KLHDC3: variants seen among roughly 807,000 people sequenced by gnomAD.
KLHDC3 encodes the protein kelch domain containing 3.
A neutral mutation model predicts 44.1 loss-of-function variants in KLHDC3; 5 were observed. The ratio of observed to expected loss-of-function variants is 0.11; its 90% confidence interval spans 0.06 to 0.24. The LOEUF (loss-of-function observed/expected upper bound fraction) is 0.24, where lower values mean the gene tolerates loss of function less well. Among genes scored for constraint, KLHDC3 ranks in the 10% least tolerant of loss-of-function variants. KLHDC3 has a pLI of 1.00. For synonymous variants in KLHDC3, 170 were observed against 189.0 expected (o/e 0.90, Z 0.82); for missense variants, 247 against 514.3 (o/e 0.48, Z 5.03).
At chr6:43,019,896 G>C (rs1323985342) in intron 10 of KLHDC3, among the ~76,000 whole-genome samples, 2 of 152,152 alleles carry the variant, frequency 1.3e-5, no homozygotes, top group African/African-American at 4.8e-5. Context: ...ACTCTTGCTG[G>C]CTGGGCATGG....
At chr6:43,014,994 G>C (rs989646135) in intron 1 of KLHDC3, among the ~76,000 whole-genome samples, 2 of 152,140 alleles carry the variant, frequency 1.3e-5, no homozygotes, top group East Asian at 3.8e-4. Context: ...CCTTGAATTT[G>C]AGTTGTTTAT....
chr6:43,017,489 T>G lies in KLHDC3; in HGVS notation c.155-30T>G, dbSNP rs556423668. On this transcript the variant is annotated intron_variant, in intron 2 of 10. Coordinates refer to ENST00000326974, the MANE Select transcript of KLHDC3 (RefSeq NM_057161.4). This position sits in a 1 kb window ranked among gnomAD's most constrained non-coding sequence, Gnocchi z 6.0. ...AAAAGTGGACAGCCTGGAGGGAGGT[T>G]CCCAGGGCTGAGCAGAGCTGTGCCC... is the stretch of plus-strand genomic sequence containing the variant. The G allele has an allele frequency of 9.9e-5, 156 of 1,570,044 alleles. No homozygotes were observed. The East Asian group carries it at 3.3e-3, about 34-fold the overall frequency.
chr6:43,018,569 T>C lies in KLHDC3; in HGVS notation c.733+13T>C, dbSNP rs755679833. 4 of 1,613,732 alleles carry C rather than the reference T, an allele frequency of 2.5e-6. No individual in the cohort carries two copies. The highest frequency in any genetic ancestry group is 1.3e-5 in the African/African-American group (1 of 75,032). The stretch of plus-strand genomic sequence containing the variant: ...AGCCACTCGGCCTGTGAGTGTTTGT[T>C]ACTTCCCTGTGGAGTTCCCTTCCTG... On this transcript the variant is annotated intron_variant, in intron 6 of 10. Coordinates refer to ENST00000326974, the MANE Select transcript of KLHDC3 (RefSeq NM_057161.4). This position sits in a 1 kb window ranked among gnomAD's most constrained non-coding sequence, Gnocchi z 6.0.
rs1301518414 is a variant in KLHDC3, at chr6:43,020,763, G to A, written c.*30G>A. ...AAGTTTCTGCCACCTCCCCTCCTGAGCCTGCTGTCATCTTCACTGCCCCTG... is the reference window on the plus strand; with the variant it reads ...AAGTTTCTGCCACCTCCCCTCCTGAACCTGCTGTCATCTTCACTGCCCCTG... On this transcript the variant is annotated 3_prime_UTR_variant, in exon 11 of 11. Transcript: ENST00000326974. The A allele has an allele frequency of 1.9e-6, 3 of 1,573,468 alleles. No homozygotes were observed. The highest frequency in any genetic ancestry group is 1.3e-5 in the African/African-American group (1 of 74,086).
Position 43,017,392 on chromosome 6 carries a change from G to A in KLHDC3, c.154+46G>A, listed in dbSNP as rs1762602976. The A allele has an allele frequency of 6.3e-7, 1 of 1,588,536 alleles. No individual in the cohort carries two copies. Among genetic ancestry groups the A allele is most frequent in the African/African-American group, 1.3e-5 (1 of 74,636 alleles). ...TCCCTGGGTCCCCACATCAGGGTGG[G>A]AACGGGCTGCTGATGAGGTTTGGCT... is the stretch of plus-strand genomic sequence containing the variant. On this transcript the variant is annotated intron_variant, in intron 2 of 10. Transcript: ENST00000326974. This position sits in a 1 kb window ranked among gnomAD's most constrained non-coding sequence, Gnocchi z 6.0.
Position 43,017,265 on chromosome 6 carries a change from C to A in KLHDC3, c.73C>A (p.Arg25=), listed in dbSNP as rs1026303998. The A allele has an allele frequency of 6.2e-7, 1 of 1,614,144 alleles. No homozygotes were observed. Among genetic ancestry groups the A allele is most frequent in the Non-Finnish European group, 8.5e-7 (1 of 1,180,006 alleles). ...VNHAAVAVGH[R]VYSFGGYCSG... is the part of the protein sequence containing the mutation. ...CCATGCTGCAGTGGCTGTCGGGCAT[C>A]GGGTATACTCCTTCGGGGGTTACTG... Residue 25 remains arginine (R), a synonymous_variant, in exon 2 of 11, where the codon CGG becomes AGG. Transcript: ENST00000326974. This position sits in a 1 kb window ranked among gnomAD's most constrained non-coding sequence, Gnocchi z 6.0.
In KLHDC3 at chr6:43,018,488, G is replaced by T; in HGVS notation, c.665G>T (p.Arg222Ile). Residue 222 changes from arginine to isoleucine, a missense_variant, in exon 6 of 11, where the codon AGA becomes ATA. By Grantham distance (97) the Arg-to-Ile change is moderately conservative. Around this residue, in one of 2 missense-constraint regions of KLHDC3, gnomAD observed 176 missense variants for 413.5 expected, o/e 0.43. Transcript: ENST00000326974. The surrounding 1 kb of genome is among the most constrained non-coding windows in gnomAD (Gnocchi z 6.0). ...YCNRIRVFDT[R>I]TEAWLDCPPT... ...AACCGCATTCGAGTCTTTGACACCA[G>T]AACTGAGGCTTGGCTGGACTGTCCC... The T allele has an allele frequency of 6.2e-7, 1 of 1,614,180 alleles. No homozygotes were observed. Among genetic ancestry groups the T allele is most frequent in the Non-Finnish European group, 8.5e-7 (1 of 1,180,044 alleles).
Position 43,018,792 on chromosome 6 carries a change from G to A in KLHDC3, c.821-71G>A, listed in dbSNP as rs1762633378. On this transcript the variant is annotated intron_variant, in intron 7 of 10. Transcript: ENST00000326974. The surrounding 1 kb of genome is among the most constrained non-coding windows in gnomAD (Gnocchi z 6.0). Reference sequence around the variant, plus strand: ...GAGGAAAAGAAAATAATCCTGAGGCGGTGAGGGATGGGGGTGGGGAAGATA... The same window carrying A: ...GAGGAAAAGAAAATAATCCTGAGGCAGTGAGGGATGGGGGTGGGGAAGATA... The A allele has an allele frequency of 1.2e-5, 18 of 1,549,144 alleles. 1 individual carries two copies. The highest frequency in any genetic ancestry group is 1.5e-5 in the Non-Finnish European group (17 of 1,120,788).
intron 10 of KLHDC3, among the ~76,000 whole-genome samples, chr6:43,020,177 CA>C (rs1019488290): frequency 6.1e-5 from 9 of 148,646 alleles, no homozygotes; most frequent in African/African-American, 2.0e-4. Context: ...GAACAAGACT[CA>C]AAAAAAAAAT....
rs1343049834 is a variant in KLHDC3 at position 43,017,397 on chromosome 6, G to A, written c.154+51G>A. 3 of 1,584,718 alleles carry A rather than the reference G, an allele frequency of 1.9e-6. No individual in the cohort carries two copies. The highest frequency in any genetic ancestry group is 2.3e-5 in the South Asian group (2 of 86,556). On this transcript the variant is annotated intron_variant, in intron 2 of 10. Transcript: ENST00000326974. This position sits in a 1 kb window ranked among gnomAD's most constrained non-coding sequence, Gnocchi z 6.0. ...GGGTCCCCACATCAGGGTGGGAACG[G>A]GCTGCTGATGAGGTTTGGCTGTGGT...
rs781744632 is a variant in KLHDC3 at position 43,020,785 on chromosome 6, C to T, written c.*52C>T. The T allele has an allele frequency of 2.9e-5, 41 of 1,406,292 alleles. No individual in the cohort carries two copies. In the South Asian group the frequency reaches 3.9e-4, roughly 13 times the overall value. The allele number at this position is 1,406,292 out of a possible 1,614,324, so 87.1% of individuals were successfully genotyped here. A position where few individuals can be genotyped will look rare whatever the true frequency, so the allele number is the denominator to read the frequency against. On this transcript the variant is annotated 3_prime_UTR_variant, in exon 11 of 11. Transcript: ENST00000326974. Reference sequence around the variant, plus strand: ...TGAGCCTGCTGTCATCTTCACTGCCCCTGCCCATCTGTCACCCACCTGCTC... The same window carrying T: ...TGAGCCTGCTGTCATCTTCACTGCCTCTGCCCATCTGTCACCCACCTGCTC...
intron 1 of KLHDC3, chr6:43,016,808 G>T: frequency 4.4e-6 from 1 of 227,250 alleles, no homozygotes; most frequent in Non-Finnish European, 8.8e-6. Flanking sequence ...TTGGGAAGGG[G>T]GCTTCAAGTT....
In KLHDC3 at chr6:43,018,863, T is replaced by G; in HGVS notation, c.821T>G (p.Val274Gly). The change falls in exon 8 of 11, where the codon GTG becomes GGG. Residue 274 changes from valine to glycine, a missense_variant and splice_region_variant. Coordinates refer to ENST00000326974, the MANE Select transcript of KLHDC3 (RefSeq NM_057161.4). This position sits in a 1 kb window ranked among gnomAD's most constrained non-coding sequence, Gnocchi z 6.0. ...HFHDLWKFNP[V>G]SFTWKKIEPK... Reference sequence around the variant, plus strand: ...AACTTCCATATAAATTTCTCTTCAGTGTCCTTTACCTGGAAAAAGATTGAA... The same window carrying G: ...AACTTCCATATAAATTTCTCTTCAGGGTCCTTTACCTGGAAAAAGATTGAA... 4 of 1,607,422 alleles carry G rather than the reference T, an allele frequency of 2.5e-6. No individual in the cohort carries two copies. The highest frequency in any genetic ancestry group is 3.4e-6 in the Non-Finnish European group (4 of 1,175,660).
In KLHDC3 at chr6:43,019,832, T is replaced by C. The variant is rs374401774; in HGVS notation, c.1082+466T>C. 2.7e-3 allele frequency among the ~76,000 whole-genome samples: 407 copies of C among 152,320 alleles called. 1 individual carries two copies. The highest frequency in any genetic ancestry group is 4.9e-3 in the Non-Finnish European group (334 of 68,034). On this transcript the variant is annotated intron_variant, in intron 10 of 10. Coordinates refer to ENST00000326974, the MANE Select transcript of KLHDC3 (RefSeq NM_057161.4). ...ACCAGATGTTACTTTGTATATAATT[T>C]TTCCTGTCTGGGTCATTCTGAGATA...
intron 1 of KLHDC3, among the ~76,000 whole-genome samples, chr6:43,015,624 T>C (rs1431363417): frequency 6.6e-6 from 1 of 151,500 alleles, no homozygotes; most frequent in Non-Finnish European, 1.5e-5. Flanking sequence ...CCGAGGACGG[T>C]GGATCACCTG....
chr6:43,014,842 G>A (rs1401685374), intron 1 of KLHDC3, among the ~76,000 whole-genome samples: 1 of 152,128 alleles, frequency 6.6e-6, no homozygotes, highest in African/African-American at 2.4e-5. Context: ...AGAAGGGCGA[G>A]AAATGGGGAA....
chr6:43,015,022 AT>A (rs1762528161), intron 1 of KLHDC3, among the ~76,000 whole-genome samples: 1 of 151,904 alleles, frequency 6.6e-6, no homozygotes, highest in Non-Finnish European at 1.5e-5. Flanking sequence ...AGAAACTAAA[AT>A]TTTTTTTCTC....
chr6:43,015,840 C>T (rs1392228169), intron 1 of KLHDC3, among the ~76,000 whole-genome samples: 1 of 124,550 alleles, frequency 8.0e-6, no homozygotes, highest in Non-Finnish European at 1.6e-5. Flanking sequence ...GGGGCAAGAG[C>T]GAGACTTCAT....
chr6:43,016,907 C>T (rs1291387491), intron 1 of KLHDC3: 4 of 452,346 alleles, frequency 8.8e-6, no homozygotes, highest in Non-Finnish European at 1.6e-5. Context: ...GTGGGGGTGG[C>T]CCCACCCTTC....
Sources: allele counts gnomAD v4.1 joint callset (sites outside exome capture counted in the v4.1 genomes callset), GRCh38; gene constraint gnomAD v4.1.1; regional missense constraint gnomAD v4.1.1; non-coding constraint Gnocchi (gnomAD v3.1); transcripts MANE v1.5; gene names NCBI Gene and HGNC (gene_info 2026-07-23, HGNC 2026-07-21).